The following PPP2R5E variants were observed in gnomAD, a reference collection of about 807,000 sequenced individuals.
The protein encoded by PPP2R5E is serine/threonine-protein phosphatase 2A 56 kDa regulatory subunit epsilon isoform.
PPP2R5E carries 4 observed loss-of-function variants against 65.3 expected under a neutral mutation model. That is an observed-to-expected ratio of 0.06 (90% CI 0.03 to 0.14). PPP2R5E has a LOEUF of 0.14. Among genes scored for constraint, PPP2R5E ranks in the 10% least tolerant of loss-of-function variants. PPP2R5E has a pLI of 1.00. For missense variants in PPP2R5E, 274 were observed against 556.1 expected, an observed-to-expected ratio of 0.49 and a Z score of 5.10; for synonymous variants, 183 against 187.4, an observed-to-expected ratio of 0.98 and a Z score of 0.19.
intron 5 of PPP2R5E, among the ~76,000 whole-genome samples, chr14:63,403,062 G>T (rs1041796591): frequency 1.3e-5 from 2 of 152,132 alleles, no homozygotes; most frequent in Admixed American, 1.3e-4. Flanking sequence ...CTGGAAGCTG[G>T]AAAACAATGG....
chr14:63,448,182 A>G (rs532578027), intron 3 of PPP2R5E, among the ~76,000 whole-genome samples: 2 of 152,170 alleles, frequency 1.3e-5, no homozygotes, highest in East Asian at 3.9e-4. Flanking sequence ...CTGTAGTCCC[A>G]GCTACTCAGG....
chr14:63,466,768 T>TATACATATGTGTATAC (rs1244550368), intron 2 of PPP2R5E, among the ~76,000 whole-genome samples: 1 of 152,252 alleles, frequency 6.6e-6, no homozygotes, highest in Admixed American at 6.5e-5. Flanking sequence ...TGTATGTGTG[T>TATACATATGTGTATAC]ATACATATGT....
chr14:63,420,013 G>A (rs1886914094), intron 4 of PPP2R5E, among the ~76,000 whole-genome samples: 1 of 151,922 alleles, frequency 6.6e-6, no homozygotes, highest in South Asian at 2.1e-4. Context: ...GTATTTTACA[G>A]AGTCATTAAG....
intron 2 of PPP2R5E, among the ~76,000 whole-genome samples, chr14:63,465,570 G>A (rs1258931242): frequency 2.6e-5 from 4 of 152,048 alleles, no homozygotes; most frequent in African/African-American, 9.7e-5. Context: ...AAGCTGCCGT[G>A]AGCCGTGATT....
At chr14:63,419,495 T>C (rs2139876348) in intron 4 of PPP2R5E, among the ~76,000 whole-genome samples, 1 of 152,320 alleles carries the variant, frequency 6.6e-6, no homozygotes, top group African/African-American at 2.4e-5. Flanking sequence ...AGAGACTTCT[T>C]ATACATTCAG....
chr14:63,514,353 TG>T (rs1892578909), intron 2 of PPP2R5E, among the ~76,000 whole-genome samples: 1 of 152,212 alleles, frequency 6.6e-6, no homozygotes, highest in Non-Finnish European at 1.5e-5. Context: ...TCAAAGCATT[TG>T]GCCACCTTTG....
At chr14:63,377,391 C>T (rs578203138) in intron 13 of PPP2R5E, among the ~76,000 whole-genome samples, 1 of 152,052 alleles carries the variant, frequency 6.6e-6, no homozygotes, top group East Asian at 1.9e-4. Context: ...ACATTATAAC[C>T]AATGTTTTTT....
intron 11 of PPP2R5E, among the ~76,000 whole-genome samples, chr14:63,386,726 C>G (rs976297885): frequency 2.0e-5 from 3 of 151,962 alleles, no homozygotes; most frequent in Admixed American, 1.3e-4. Flanking sequence ...AGTTCGAGAC[C>G]AGTCTGGCCA....
chr14:63,539,403 T>G, intron 2 of PPP2R5E, 126 bp downstream of exon 2: 1 of 1,027,624 alleles, frequency 9.7e-7, no homozygotes, highest in Non-Finnish European at 1.4e-6. Context: ...ATTAGTAACT[T>G]CAATGTATGT....
chr14:63,470,925 AC>A (rs1890097391), intron 2 of PPP2R5E, among the ~76,000 whole-genome samples: 1 of 152,108 alleles, frequency 6.6e-6, no homozygotes, highest in Non-Finnish European at 1.5e-5. Context: ...CCATTAATGC[AC>A]CCTGATATTA....
intron 10 of PPP2R5E, 33 bp from the exon 11 acceptor site, chr14:63,389,764 C>T: frequency 2.6e-6 from 4 of 1,522,750 alleles, no homozygotes; most frequent in Non-Finnish European, 3.5e-6. Context: ...AGATGTGAGG[C>T]ACATCATGAA....
At chr14:63,490,518 G>A (rs1048474039) in intron 2 of PPP2R5E, among the ~76,000 whole-genome samples, 3 of 151,696 alleles carry the variant, frequency 2.0e-5, no homozygotes, top group Non-Finnish European at 2.9e-5. Flanking sequence ...CCAGAATCTA[G>A]AAGAAACTCA....
At chr14:63,517,949 C>T (rs1892733106) in intron 2 of PPP2R5E, among the ~76,000 whole-genome samples, 1 of 152,084 alleles carries the variant, frequency 6.6e-6, no homozygotes, top group Admixed American at 6.6e-5. Flanking sequence ...GCATTATGTT[C>T]CCCACTATTC....
At chr14:63,461,948 CCAA>C (rs1889494654) in intron 2 of PPP2R5E, among the ~76,000 whole-genome samples, 1 of 148,202 alleles carries the variant, frequency 6.7e-6, no homozygotes, top group Non-Finnish European at 1.5e-5. Context: ...CCCAGTACTG[CCAA>C]CAACTTTTCC....
intron 3 of PPP2R5E, among the ~76,000 whole-genome samples, chr14:63,446,956 G>A (rs765935798): frequency 6.6e-6 from 1 of 152,098 alleles, no homozygotes; most frequent in Admixed American, 6.6e-5. Flanking sequence ...AAAACAAAAC[G>A]TTTTTCTAAG....
chr14:63,396,584 A>C lies in PPP2R5E; in HGVS notation c.680+2T>G. 1 of 1,611,884 alleles carries C rather than the reference A, an allele frequency of 6.2e-7. No individual in the cohort carries two copies. Among genetic ancestry groups the C allele is most frequent in the Non-Finnish European group, 8.5e-7 (1 of 1,179,478 alleles). On this transcript the variant is annotated splice_donor_variant, in intron 6 of 13. Transcript: ENST00000337537. LOFTEE classifies it high-confidence loss of function. ...CTTCTTCCCCCATCACACTCCACTT[A>C]CCTTAGAAAAATATTGTTAATCTGT...
At chr14:63,495,289 T>C (rs1393397960) in intron 2 of PPP2R5E, among the ~76,000 whole-genome samples, 1 of 145,958 alleles carries the variant, frequency 6.9e-6, no homozygotes, top group African/African-American at 2.6e-5. Context: ...TAAACATGTC[T>C]GGCCAGGCAC....
chr14:63,508,055 A>G, intron 2 of PPP2R5E: 6 of 776,298 alleles, frequency 7.7e-6, no homozygotes, highest in Non-Finnish European at 9.4e-6. Flanking sequence ...GATCCAATGT[A>G]ATAGCCTGAT....
chr14:63,401,211 T>G (rs770461856), intron 5 of PPP2R5E, among the ~76,000 whole-genome samples: 1 of 152,170 alleles, frequency 6.6e-6, no homozygotes. Flanking sequence ...AATATAATAG[T>G]GCACAGGCCA....
Sources: gnomAD v4.1 joint callset for allele counts (sites outside exome capture counted in the v4.1 genomes callset) on GRCh38, gnomAD v4.1.1 for gene constraint, MANE v1.5 for transcripts, NCBI Gene and HGNC (gene_info 2026-07-23, HGNC 2026-07-21) for gene names.